The following TPD52L1 variants were observed in gnomAD, a reference collection of about 807,000 sequenced individuals.
The protein encoded by TPD52L1 is tumor protein D53.
In TPD52L1, 18 loss-of-function variants were observed where a neutral mutation model predicts 28.7. The ratio of observed to expected loss-of-function variants is 0.63; its 90% CI spans 0.43 to 0.93. The LOEUF is 0.93. Among genes scored for constraint, TPD52L1 ranks in the 40% least tolerant of loss-of-function variants. The pLI is 0.00. For synonymous variants in TPD52L1, 75 were observed against 88.8 expected, an observed-to-expected ratio of 0.84 and a Z score of 0.88; for missense variants, 203 against 254.8, an observed-to-expected ratio of 0.80 and a Z score of 1.39.
At chr6:125,163,336 C>G (rs1028628101) in intron 1 of TPD52L1, among the ~76,000 whole-genome samples, 8 of 152,126 alleles carry the variant, frequency 5.3e-5, no homozygotes, top group Admixed American at 6.6e-5. Context: ...GCTCCTGGTA[C>G]TTTGGGAGGC....
At chr6:125,155,638 A>T (rs1790067895) in intron 1 of TPD52L1, among the ~76,000 whole-genome samples, 1 of 152,190 alleles carries the variant, frequency 6.6e-6, no homozygotes, top group Non-Finnish European at 1.5e-5. Flanking sequence ...TTAATTTGAT[A>T]GCTATTTGAA....
At chr6:125,189,260 A>C (rs141412423) in intron 1 of TPD52L1, among the ~76,000 whole-genome samples, 207 of 152,368 alleles carry the variant, frequency 1.4e-3, no homozygotes, top group African/African-American at 4.8e-3. Context: ...GGGCATATTG[A>C]CTACTTAATT....
chr6:125,195,250 T>G (rs1793349940), intron 1 of TPD52L1, among the ~76,000 whole-genome samples: 1 of 152,204 alleles, frequency 6.6e-6, no homozygotes, highest in Non-Finnish European at 1.5e-5. Flanking sequence ...CTGTTGTTGT[T>G]TGAGTCTCTC....
chr6:125,259,173 G>T (rs1797770695), intron 6 of TPD52L1, among the ~76,000 whole-genome samples: 1 of 152,194 alleles, frequency 6.6e-6, no homozygotes, highest in Non-Finnish European at 1.5e-5. Context: ...GTAAAGATGA[G>T]TGGAATTTCT....
intron 6 of TPD52L1, chr6:125,262,371 A>G (rs1463664617): frequency 6.5e-6 from 1 of 153,240 alleles, no homozygotes; most frequent in East Asian, 1.9e-4. Flanking sequence ...TGACTTTTCA[A>G]AAGACATTTG....
At chr6:125,237,534 A>G (rs73771297) in intron 3 of TPD52L1, among the ~76,000 whole-genome samples, 7,100 of 152,290 alleles carry the variant, frequency 0.047, 232 homozygotes, top group African/African-American at 0.1. Context: ...ACCAAAACAC[A>G]TAAGTTTTTG....
chr6:125,169,354 T>C (rs1693585601), intron 1 of TPD52L1, among the ~76,000 whole-genome samples: 1 of 152,166 alleles, frequency 6.6e-6, no homozygotes, highest in Non-Finnish European at 1.5e-5. Flanking sequence ...TTTTCCTGCC[T>C]GGACCTCACT....
intron 1 of TPD52L1, among the ~76,000 whole-genome samples, chr6:125,188,408 T>C (rs545854567): frequency 6.6e-6 from 1 of 152,252 alleles, no homozygotes; most frequent in Admixed American, 6.5e-5. Context: ...AAAGAGGGAA[T>C]AGATTGGTAG....
intron 3 of TPD52L1, among the ~76,000 whole-genome samples, chr6:125,236,644 A>G (rs1367540869): frequency 6.6e-6 from 1 of 152,230 alleles, no homozygotes; most frequent in African/African-American, 2.4e-5. Flanking sequence ...TTCTCTAACT[A>G]GTAGCCAGTC....
At chr6:125,239,131 A>AT (rs1796465203) in intron 3 of TPD52L1, among the ~76,000 whole-genome samples, 1 of 152,094 alleles carries the variant, frequency 6.6e-6, no homozygotes, top group Non-Finnish European at 1.5e-5. Flanking sequence ...ATCAACGCCA[A>AT]TGTCTATTTT....
At chr6:125,246,245 AGGT>A (rs1796916456) in intron 3 of TPD52L1, among the ~76,000 whole-genome samples, 1 of 152,174 alleles carries the variant, frequency 6.6e-6, no homozygotes, top group African/African-American at 2.4e-5. Flanking sequence ...ATTCAGAGGC[AGGT>A]GGTTCAGAGG....
At chr6:125,157,736 T>C (rs1392193974) in intron 1 of TPD52L1, among the ~76,000 whole-genome samples, 1 of 152,254 alleles carries the variant, frequency 6.6e-6, no homozygotes, top group East Asian at 1.9e-4. Flanking sequence ...ACGTCTTTAA[T>C]GTTACAAGGA....
intron 1 of TPD52L1, among the ~76,000 whole-genome samples, chr6:125,215,923 T>C (rs1161141132): frequency 1.3e-5 from 2 of 152,160 alleles, no homozygotes; most frequent in African/African-American, 4.8e-5. Flanking sequence ...ACTGAGAATT[T>C]GGGTTCCAGC....
At chr6:125,175,496 G>C (rs1474344702) in intron 1 of TPD52L1, among the ~76,000 whole-genome samples, 1 of 152,124 alleles carries the variant, frequency 6.6e-6, no homozygotes, top group Non-Finnish European at 1.5e-5. Context: ...AAGAGTCCAA[G>C]TGTGTCAACA....
chr6:125,253,845 T>C, intron 5 of TPD52L1, 90 bp downstream of exon 5: 2 of 1,243,472 alleles, frequency 1.6e-6, no homozygotes, highest in Non-Finnish European at 2.4e-6. Context: ...GTTCCTCTGC[T>C]TTATGTGAAA....
chr6:125,185,397 G>C (rs1208220509), intron 1 of TPD52L1, among the ~76,000 whole-genome samples: 1 of 152,092 alleles, frequency 6.6e-6, no homozygotes, highest in African/African-American at 2.4e-5. Context: ...TTGGCCTGGA[G>C]AATAGCTTGA....
chr6:125,177,597 G>C (rs1791903827), intron 1 of TPD52L1, among the ~76,000 whole-genome samples: 1 of 152,106 alleles, frequency 6.6e-6, no homozygotes, highest in Non-Finnish European at 1.5e-5. Flanking sequence ...TCCTTTCTCT[G>C]TATTATCAGC....
At chr6:125,197,612 AT>A (rs1226062274) in intron 1 of TPD52L1, among the ~76,000 whole-genome samples, 6 of 151,552 alleles carry the variant, frequency 4.0e-5, no homozygotes, top group African/African-American at 9.7e-5. Context: ...AGTCAGAAGG[AT>A]TTTTTTTTAA....
chr6:125,182,065 G>T (rs984966203), intron 1 of TPD52L1, among the ~76,000 whole-genome samples: 1 of 152,190 alleles, frequency 6.6e-6, no homozygotes, highest in Non-Finnish European at 1.5e-5. Flanking sequence ...CTTCTCTGCA[G>T]CTGTACTTTC....
Sources: allele counts gnomAD v4.1 joint callset (sites outside exome capture counted in the v4.1 genomes callset), GRCh38; gene constraint gnomAD v4.1.1; transcripts MANE v1.5; gene names NCBI Gene and HGNC (gene_info 2026-07-23, HGNC 2026-07-21).